Variants in CELF2 observed in about 807,000 individuals in gnomAD.
CELF2 encodes CUGBP Elav-like family member 2.
A neutral mutation model predicts 62.6 loss-of-function variants in CELF2; 8 were observed. The observed-to-expected ratio is 0.13, with a 90% confidence interval of 0.07 to 0.23. The LOEUF (loss-of-function observed/expected upper bound fraction) is 0.23. Ranked by LOEUF, CELF2 falls within the 10% of genes least tolerant of loss-of-function variation. The pLI, the probability that CELF2 is intolerant of heterozygous loss-of-function variation, is 1.00. For missense variants in CELF2, 333 were observed against 671.0 expected (o/e 0.50, Z 5.56); for synonymous variants, 258 against 250.0 (o/e 1.03, Z -0.30).
At chr10:11,102,834 C>A (rs1214601204) in intron 1 of CELF2, among the ~76,000 whole-genome samples, 1 of 152,136 alleles carries the variant, frequency 6.6e-6, no homozygotes, top group African/African-American at 2.4e-5. Flanking sequence ...TCTCTCATTC[C>A]CCACAGCTCA....
At chr10:10,926,862 T>G (rs890052075) in intron 2 of CELF2, among the ~76,000 whole-genome samples, 5 of 152,116 alleles carry the variant, frequency 3.3e-5, no homozygotes, top group Non-Finnish European at 5.9e-5. Context: ...TCTGGGTAAA[T>G]CCAGTGGCCA....
rs2066929784 is a variant in CELF2, at chr10:11,227,199, T to C, written c.354+9692T>C. Among the ~76,000 whole-genome samples the C allele has an allele frequency of 6.6e-6, 1 of 152,220 alleles. No individual in the cohort carries two copies. Among genetic ancestry groups the C allele is most frequent in the Non-Finnish European group, 1.5e-5 (1 of 68,032 alleles). ...CACACCCTCCTGCCCTGAAAACTCC[T>C]GGAGGCCTTTAGAAAGGAACTGTTC... On this transcript the variant is annotated intron_variant, in intron 3 of 12. Coordinates refer to ENST00000633077, the MANE Select transcript of CELF2 (RefSeq NM_001326342.2). The surrounding 1 kb of genome is among the most constrained non-coding windows in gnomAD (Gnocchi z 4.8).
the CELF2 span, among the ~76,000 whole-genome samples, chr10:10,481,951 T>G: frequency 2.0e-5 from 3 of 152,238 alleles, no homozygotes; most frequent in Non-Finnish European, 4.4e-5. Context: ...TTTCTAGCAA[T>G]GCATGATTCT....
chr10:10,678,764 C>T, the CELF2 span, among the ~76,000 whole-genome samples: 1 of 152,168 alleles, frequency 6.6e-6, no homozygotes, highest in Non-Finnish European at 1.5e-5. Flanking sequence ...GGTGAGATCC[C>T]AGTTCCTGTT....
the CELF2 span, among the ~76,000 whole-genome samples, chr10:10,509,393 C>T: frequency 6.6e-6 from 1 of 152,062 alleles, no homozygotes; most frequent in Non-Finnish European, 1.5e-5. Context: ...AAAGGTGGGG[C>T]CCTTATGAAT....
chr10:10,492,014 C>T, the CELF2 span, among the ~76,000 whole-genome samples: 4 of 152,126 alleles, frequency 2.6e-5, no homozygotes, highest in Non-Finnish European at 5.9e-5. Context: ...CGTCCTCTCA[C>T]TTCTTGTGCT....
rs759722094 is a variant in CELF2 at position 10,931,506 on chromosome 10, C to G, written c.89+11507C>G. Among the ~76,000 whole-genome samples, 3 of 152,182 alleles carry G rather than the reference C, an allele frequency of 2.0e-5. No individual in the cohort carries two copies. The highest frequency in any genetic ancestry group is 4.4e-5 in the Non-Finnish European group (3 of 68,028). On this transcript the variant is annotated intron_variant, in intron 2 of 13. Transcript: ENST00000636488. The surrounding 1 kb of genome is among the most constrained non-coding windows in gnomAD (Gnocchi z 6.1). ...AGTTATAGCATTTGAGACCCTCCCT[C>G]ACCCAGATCCCAACCTGTGGAACTC...
At chr10:11,203,004 A>C (rs2059630727) in intron 2 of CELF2, among the ~76,000 whole-genome samples, 1 of 150,852 alleles carries the variant, frequency 6.6e-6, no homozygotes, top group African/African-American at 2.4e-5. Flanking sequence ...TACAGTCCAA[A>C]GGGCTAAAAA....
chr10:11,250,342 G>C (rs1292698734), intron 4 of CELF2, among the ~76,000 whole-genome samples: 2 of 152,108 alleles, frequency 1.3e-5, no homozygotes, highest in African/African-American at 2.4e-5. Flanking sequence ...TATAAATAAA[G>C]AAAATAAAAA....
chr10:10,568,146 G>A, the CELF2 span, among the ~76,000 whole-genome samples: 1 of 152,144 alleles, frequency 6.6e-6, no homozygotes, highest in Non-Finnish European at 1.5e-5. Flanking sequence ...AAGTAGAAAG[G>A]ATTAAAGAAT....
the CELF2 span, among the ~76,000 whole-genome samples, chr10:10,478,153 A>G: frequency 1.2e-4 from 18 of 152,298 alleles, no homozygotes; most frequent in African/African-American, 3.8e-4. Context: ...AAATTAGGTT[A>G]TGTGGCACAA....
In CELF2 at chr10:11,255,475, C is replaced by T. The variant is rs1025493808; in HGVS notation, c.404-2263C>T. Among the ~76,000 whole-genome samples, 5 of 152,224 alleles carry T rather than the reference C, an allele frequency of 3.3e-5. No individual in the cohort carries two copies. The highest frequency in any genetic ancestry group is 5.9e-5 in the Non-Finnish European group (4 of 68,042). On this transcript the variant is annotated intron_variant, in intron 4 of 12. Transcript: ENST00000633077. The surrounding 1 kb of genome is among the most constrained non-coding windows in gnomAD (Gnocchi z 5.5). ...CCTGGTTAGGACCTCTTTGCTCTCC[C>T]ACCTCCAGTCTCTCCAGACCCTTCG...
At chr10:11,113,204 G>A (rs1425450135) in intron 1 of CELF2, among the ~76,000 whole-genome samples, 2 of 152,194 alleles carry the variant, frequency 1.3e-5, no homozygotes, top group African/African-American at 4.8e-5. Context: ...AGTGATTCTT[G>A]CCAAGGTAAT....
chr10:11,033,059 G>A (rs892257062), intron 1 of CELF2, among the ~76,000 whole-genome samples: 19 of 152,204 alleles, frequency 1.2e-4, no homozygotes, highest in Non-Finnish European at 2.1e-4. Flanking sequence ...GTAATACAGT[G>A]CATCGACAAG....
At chr10:11,122,398 A>C (rs17149582) in intron 1 of CELF2, among the ~76,000 whole-genome samples, 10,593 of 152,282 alleles carry the variant, frequency 0.07, 442 homozygotes, top group African/African-American at 0.1. Flanking sequence ...TAATACAGAG[A>C]CATATTAAAA....
chr10:10,697,754 A>AC, the CELF2 span, among the ~76,000 whole-genome samples: 157 of 151,652 alleles, frequency 1.0e-3, no homozygotes, highest in East Asian at 3.3e-3. Flanking sequence ...CAAAGGCCGC[A>AC]CCCCCCCAAT....
At chr10:11,184,207 A>G (rs187392468) in intron 2 of CELF2, among the ~76,000 whole-genome samples, 22 of 152,296 alleles carry the variant, frequency 1.4e-4, no homozygotes, top group Admixed American at 1.4e-3. Flanking sequence ...AGTTGTCTGT[A>G]TATGTGTCAG....
At chr10:10,875,880 C>T (rs1016567306) in intron 1 of CELF2, among the ~76,000 whole-genome samples, 6 of 152,166 alleles carry the variant, frequency 3.9e-5, no homozygotes, top group Non-Finnish European at 7.3e-5. Context: ...GCTGCCTTTT[C>T]GCTTAACTAT....
At chr10:11,028,925 G>A (rs1293458465) in intron 1 of CELF2, among the ~76,000 whole-genome samples, 2 of 152,138 alleles carry the variant, frequency 1.3e-5, no homozygotes, top group Non-Finnish European at 2.9e-5. Context: ...TATTGGCCAG[G>A]CTAGTCTCGA....
Sources: allele counts gnomAD v4.1 joint callset (sites outside exome capture counted in the v4.1 genomes callset), GRCh38; gene constraint gnomAD v4.1.1; non-coding constraint Gnocchi (gnomAD v3.1); transcripts MANE v1.5; gene names NCBI Gene and HGNC (gene_info 2026-07-23, HGNC 2026-07-21).